Variants in MLLT3 observed in about 807,000 individuals in gnomAD.
MLLT3 encodes MLLT3 super elongation complex subunit.
In MLLT3, 4 loss-of-function variants were observed where a neutral mutation model predicts 53.2. That is an observed-to-expected ratio of 0.08 (90% CI 0.04 to 0.17). The LOEUF is 0.17. MLLT3 is among the 10% of genes least tolerant of loss of function. MLLT3 has a pLI of 1.00. For synonymous variants in MLLT3, 283 were observed against 230.6 expected, an observed-to-expected ratio of 1.23 and a Z score of -2.06; for missense variants, 569 against 684.0, an observed-to-expected ratio of 0.83 and a Z score of 1.87.
At chr9:20,534,532 C>A (rs1028149973) in intron 2 of MLLT3, among the ~76,000 whole-genome samples, 1 of 152,194 alleles carries the variant, frequency 6.6e-6, no homozygotes, top group Non-Finnish European at 1.5e-5. Context: ...CTTGGATGAA[C>A]AGAACACTGT....
intron 2 of MLLT3, among the ~76,000 whole-genome samples, chr9:20,512,600 T>C (rs963943631): frequency 6.6e-6 from 1 of 152,206 alleles, no homozygotes; most frequent in Non-Finnish European, 1.5e-5. Context: ...ATACACCCCC[T>C]AAGTTTAATA....
chr9:20,523,957 C>A (rs1224250125), intron 2 of MLLT3, among the ~76,000 whole-genome samples: 15 of 149,998 alleles, frequency 1.0e-4, no homozygotes, highest in African/African-American at 3.5e-4. Context: ...GGCAACAGAG[C>A]CAGAACCCAT....
intron 2 of MLLT3, among the ~76,000 whole-genome samples, chr9:20,589,516 A>T (rs1167665164): frequency 1.3e-5 from 2 of 150,524 alleles, no homozygotes; most frequent in Non-Finnish European, 3.0e-5. Context: ...GCACACCAGC[A>T]TGGCACATGT....
chr9:20,611,558 T>A (rs1204607182), intron 2 of MLLT3, among the ~76,000 whole-genome samples: 2 of 152,142 alleles, frequency 1.3e-5, no homozygotes, highest in East Asian at 3.8e-4. Flanking sequence ...TTTGAGAATA[T>A]CAACCTTCTA....
intron 2 of MLLT3, among the ~76,000 whole-genome samples, chr9:20,515,867 A>C (rs1817899936): frequency 6.6e-6 from 1 of 152,040 alleles, no homozygotes; most frequent in African/African-American, 2.4e-5. Context: ...CTGATGTAAG[A>C]CTCTGCGGCT....
At chr9:20,563,387 C>A (rs1356950273) in intron 2 of MLLT3, among the ~76,000 whole-genome samples, 1 of 151,980 alleles carries the variant, frequency 6.6e-6, no homozygotes, top group Non-Finnish European at 1.5e-5. Context: ...CAGGTCCCTG[C>A]TGGGTAGGGA....
In MLLT3 at chr9:20,343,332, C is replaced by T. The variant is rs148314979; in HGVS notation, c.*3111G>A. ...AGCAATTTAAAATGTTTAAGACACT[C>T]TCTTAAGAGATATTTTTTTCCTGAT... On this transcript the variant is annotated 3_prime_UTR_variant, in exon 11 of 11. Coordinates refer to ENST00000380338, the MANE Select transcript of MLLT3 (RefSeq NM_004529.4). The T allele has an allele frequency of 7.3e-3, 1,515 of 207,278 alleles. 7 individuals are homozygous for T. Among genetic ancestry groups the T allele is most frequent in the Non-Finnish European group, 0.01 (1,021 of 101,992 alleles). 12.8% of individuals were successfully genotyped at this position (207,278 alleles called of 1,614,324 possible).
chr9:20,593,767 G>A (rs1029871301), intron 2 of MLLT3, among the ~76,000 whole-genome samples: 5 of 152,154 alleles, frequency 3.3e-5, no homozygotes, highest in Non-Finnish European at 7.3e-5. Flanking sequence ...GCACGTACTG[G>A]AATCAGCCAG....
chr9:20,356,556 G>C (rs559104135), intron 8 of MLLT3, among the ~76,000 whole-genome samples: 66 of 151,778 alleles, frequency 4.3e-4, no homozygotes, highest in African/African-American at 1.6e-3. Context: ...GAGATTTCAG[G>C]CAAGAAAAAA....
chr9:20,519,893 C>A (rs879763969), intron 2 of MLLT3, among the ~76,000 whole-genome samples: 3 of 152,126 alleles, frequency 2.0e-5, no homozygotes, highest in Non-Finnish European at 4.4e-5. Context: ...AAGACACATA[C>A]ATGTATATGT....
intron 2 of MLLT3, among the ~76,000 whole-genome samples, chr9:20,478,023 A>G (rs909545431): frequency 6.6e-6 from 1 of 152,220 alleles, no homozygotes; most frequent in Non-Finnish European, 1.5e-5. Context: ...AATAATTATC[A>G]GAGGTGGATC....
At chr9:20,353,316 AGAG>A (rs1375950590) in intron 10 of MLLT3, among the ~76,000 whole-genome samples, 1 of 152,290 alleles carries the variant, frequency 6.6e-6, no homozygotes, top group East Asian at 1.9e-4. Flanking sequence ...CCACTGCACT[AGAG>A]GAGGGAGAAC....
intron 10 of MLLT3, among the ~76,000 whole-genome samples, chr9:20,350,861 G>T (rs1362495716): frequency 3.3e-5 from 5 of 152,072 alleles, no homozygotes; most frequent in African/African-American, 4.8e-5. Context: ...CATTGATTTT[G>T]GTCTGATTAT....
rs550069210 is a variant in MLLT3 at position 20,378,897 on chromosome 9, G to A, written c.1126-13153C>T. On this transcript the variant is annotated intron_variant, in intron 5 of 10. Transcript: ENST00000380338. ...CTCAATGTAGCCCCTTTAAAAATGT[G>A]GTATTCAGAATCACATATTCCTGAT... Among the ~76,000 whole-genome samples, 7 of 152,038 alleles carry A rather than the reference G, an allele frequency of 4.6e-5. 1 individual carries two copies. The highest frequency in any genetic ancestry group is 1.7e-4 in the African/African-American group (7 of 41,530).
At chr9:20,367,494 A>T (rs1025749558) in intron 5 of MLLT3, among the ~76,000 whole-genome samples, 2 of 152,126 alleles carry the variant, frequency 1.3e-5, no homozygotes, top group Non-Finnish European at 2.9e-5. Context: ...CCTGCGTTCC[A>T]CCTTCTGCCA....
intron 5 of MLLT3, among the ~76,000 whole-genome samples, chr9:20,402,498 G>C (rs1435788950): frequency 6.6e-5 from 10 of 152,270 alleles, no homozygotes; most frequent in Admixed American, 2.0e-4. Context: ...TGGAACGGAG[G>C]AGGATCTGGG....
chr9:20,489,704 A>G (rs922870231), intron 2 of MLLT3, among the ~76,000 whole-genome samples: 2 of 152,242 alleles, frequency 1.3e-5, no homozygotes, highest in South Asian at 2.1e-4. Context: ...AAAAAGCACA[A>G]TGCAAAACAA....
At chr9:20,391,657 G>C (rs757649764) in intron 5 of MLLT3, among the ~76,000 whole-genome samples, 1 of 152,038 alleles carries the variant, frequency 6.6e-6, no homozygotes, top group African/African-American at 2.4e-5. Context: ...TCCACTTTCC[G>C]TATTTACCTC....
At chr9:20,400,786 C>T (rs1563951007) in intron 5 of MLLT3, among the ~76,000 whole-genome samples, 1 of 151,964 alleles carries the variant, frequency 6.6e-6, no homozygotes, top group Non-Finnish European at 1.5e-5. Flanking sequence ...CATACAAGTG[C>T]TGCAGTTTTG....
Sources: allele counts gnomAD v4.1 joint callset (sites outside exome capture counted in the v4.1 genomes callset), GRCh38; gene constraint gnomAD v4.1.1; transcripts MANE v1.5; gene names NCBI Gene and HGNC (gene_info 2026-07-23, HGNC 2026-07-21).